Variants in NAV3 observed in about 807,000 individuals in gnomAD.
NAV3 encodes the protein neuron navigator 3.
In NAV3, 87 loss-of-function variants were observed where a neutral mutation model predicts 244.7. The ratio of observed to expected loss-of-function variants is 0.36; its 90% CI spans 0.30 to 0.42. NAV3 has a LOEUF of 0.42. Ranked by LOEUF, NAV3 falls within the 20% of genes least tolerant of loss-of-function variation. The pLI is 1.00. For missense variants in NAV3, 2,663 were observed against 2,893.3 expected, an observed-to-expected ratio of 0.92 and a Z score of 1.83; for synonymous variants, 1,126 against 1,042.2, an observed-to-expected ratio of 1.08 and a Z score of -1.55.
At chr12:77,708,826 T>C (rs1875961500) in intron 2 of NAV3, among the ~76,000 whole-genome samples, 1 of 152,160 alleles carries the variant, frequency 6.6e-6, no homozygotes. Context: ...GAAGCAATTG[T>C]GAATGGGAGT....
intron 5 of NAV3, among the ~76,000 whole-genome samples, chr12:77,991,037 AT>A (rs1039516321): frequency 6.6e-6 from 1 of 151,604 alleles, no homozygotes; most frequent in South Asian, 2.1e-4. Context: ...TTATTTTTTT[AT>A]TTTTTCTGAG....
chr12:78,140,413 A>C, intron 20 of NAV3, 79 bp downstream of exon 20: 1 of 1,209,524 alleles, frequency 8.3e-7, no homozygotes, highest in Non-Finnish European at 1.2e-6. Context: ...TACTGTGAAC[A>C]GATCACATTC....
In NAV3 at chr12:77,831,195, CAGAGAGAG is replaced by C. The variant is rs71088342; in HGVS notation, c.-251_-244del. 64,390 of 145,204 alleles carry C rather than the reference CAGAGAGAG, an allele frequency of 0.44. 12,160 individuals are homozygous for C. The highest frequency in any genetic ancestry group is 0.58 in the East Asian group (3,292 of 5,706). The allele number at this position is 145,204 out of a possible 1,614,324, so 9.0% of individuals were successfully genotyped here. A position where few individuals can be genotyped will look rare whatever the true frequency, so the allele number is the denominator to read the frequency against. On this transcript the variant is annotated 5_prime_UTR_variant, in exon 1 of 40. Transcript: ENST00000397909. ...AGAGAGAGAGAGAGAGAGAGAGAGA[CAGAGAGAG>C]AGAGAGAGAGAGAGAAAGAGAGAGA...
intron 5 of NAV3, among the ~76,000 whole-genome samples, chr12:77,994,143 A>G (rs1373650110): frequency 6.6e-6 from 1 of 152,264 alleles, no homozygotes; most frequent in Non-Finnish European, 1.5e-5. Flanking sequence ...AAGAATGCCC[A>G]GAAATTGTCA....
chr12:78,133,583 A>T (rs1289482366), intron 18 of NAV3, among the ~76,000 whole-genome samples: 1 of 151,784 alleles, frequency 6.6e-6, no homozygotes, highest in East Asian at 1.9e-4. Flanking sequence ...AATATATAAA[A>T]TTTTTAGAAA....
intron 2 of NAV3, among the ~76,000 whole-genome samples, chr12:77,745,825 A>T (rs1868509561): frequency 6.6e-6 from 1 of 152,018 alleles, no homozygotes; most frequent in Non-Finnish European, 1.5e-5. Context: ...AGAGAGGGAC[A>T]AAGAAGAATA....
intron 2 of NAV3, among the ~76,000 whole-genome samples, chr12:77,772,833 T>G (rs1168770715): frequency 6.6e-6 from 1 of 152,176 alleles, no homozygotes; most frequent in Non-Finnish European, 1.5e-5. Flanking sequence ...TTACATGATA[T>G]CACTCAGACC....
rs1299334361 is a variant in NAV3, at chr12:77,784,728, G to A, written c.73-155591G>A. 5.3e-5 allele frequency among the ~76,000 whole-genome samples: 8 copies of A among 152,230 alleles called. No homozygotes were observed. In the South Asian group the frequency reaches 1.0e-3, roughly 20 times the overall value. ...CGCTGATCAGATATAAGTATTAGAA[G>A]TGAGGCCATTCAGGGAACACAAAAC... On this transcript the variant is annotated intron_variant, in intron 2 of 8. Transcript: ENST00000550042.
intron 23 of NAV3, among the ~76,000 whole-genome samples, chr12:78,167,122 T>C (rs571468392): frequency 6.6e-6 from 1 of 151,898 alleles, no homozygotes; most frequent in South Asian, 2.1e-4. Context: ...ATGGAAAATA[T>C]ATTAAGTTTC....
At chr12:77,896,214 T>C (rs1884616190) in intron 1 of NAV3, among the ~76,000 whole-genome samples, 1 of 152,148 alleles carries the variant, frequency 6.6e-6, no homozygotes, top group Admixed American at 6.5e-5. Flanking sequence ...AACTCTGAAG[T>C]TCACTGTAAG....
chr12:77,793,329 T>G (rs2135949111), intron 2 of NAV3, among the ~76,000 whole-genome samples: 1 of 152,354 alleles, frequency 6.6e-6, no homozygotes, highest in South Asian at 2.1e-4. Flanking sequence ...CTTTATGTTT[T>G]GGGATACATG....
chr12:78,142,400 A>G (rs1956654773), intron 20 of NAV3, among the ~76,000 whole-genome samples: 1 of 152,038 alleles, frequency 6.6e-6, no homozygotes, highest in Non-Finnish European at 1.5e-5. Flanking sequence ...GTAACTATGA[A>G]CCATATGTTG....
chr12:77,637,349 AG>A, intron 2 of NAV3, among the ~76,000 whole-genome samples: 1 of 152,282 alleles, frequency 6.6e-6, no homozygotes, highest in South Asian at 2.1e-4. Flanking sequence ...TTATAGTATT[AG>A]GGGAAAATAT....
intron 2 of NAV3, among the ~76,000 whole-genome samples, chr12:77,752,716 C>T (rs1868923710): frequency 6.6e-6 from 1 of 152,110 alleles, no homozygotes; most frequent in Non-Finnish European, 1.5e-5. Flanking sequence ...ATAGTCTCTA[C>T]TTTATAGAGC....
At chr12:77,925,649 A>C (rs1888134437) in intron 1 of NAV3, among the ~76,000 whole-genome samples, 1 of 152,114 alleles carries the variant, frequency 6.6e-6, no homozygotes, top group Non-Finnish European at 1.5e-5. Flanking sequence ...GCGGTTTGAC[A>C]AGGCTACGCA....
At chr12:77,694,543 C>G (rs940784718) in intron 2 of NAV3, among the ~76,000 whole-genome samples, 2 of 151,522 alleles carry the variant, frequency 1.3e-5, no homozygotes, top group Admixed American at 1.3e-4. Flanking sequence ...CAAACCTTAA[C>G]AACCAAGTTC....
At chr12:77,781,980 T>A (rs566293558) in intron 2 of NAV3, among the ~76,000 whole-genome samples, 1 of 152,318 alleles carries the variant, frequency 6.6e-6, no homozygotes, top group African/African-American at 2.4e-5. Context: ...GCACACTGAA[T>A]GAGAGCATTT....
chr12:77,722,986 G>A (rs1876706489), intron 2 of NAV3, among the ~76,000 whole-genome samples: 1 of 151,966 alleles, frequency 6.6e-6, no homozygotes, highest in Non-Finnish European at 1.5e-5. Context: ...GATTTTTTGA[G>A]GGGCATGATT....
chr12:77,693,463 T>C (rs1452927059), intron 2 of NAV3, among the ~76,000 whole-genome samples: 1 of 152,002 alleles, frequency 6.6e-6, no homozygotes, highest in African/African-American at 2.4e-5. Context: ...GTTGAATGAC[T>C]ACTTTGTGAA....
Sources: allele counts gnomAD v4.1 joint callset (sites outside exome capture counted in the v4.1 genomes callset), GRCh38; gene constraint gnomAD v4.1.1; transcripts MANE v1.5; gene names NCBI Gene and HGNC (gene_info 2026-07-23, HGNC 2026-07-21).